Variants in DENND6A observed in about 807,000 individuals in gnomAD.
The protein encoded by DENND6A is DENN domain containing 6A, also known as protein DENND6A.
A neutral mutation model predicts 95.5 loss-of-function variants in DENND6A; 43 were observed. The ratio of observed to expected loss-of-function variants is 0.45; its 90% CI spans 0.35 to 0.58. The LOEUF (loss-of-function observed/expected upper bound fraction) is 0.58, where lower values mean the gene tolerates loss of function less well. DENND6A is among the 20% of genes least tolerant of loss of function. DENND6A has a pLI of 0.00. For synonymous variants in DENND6A, 257 were observed against 260.4 expected, an observed-to-expected ratio of 0.99 and a Z score of 0.13; for missense variants, 574 against 736.0, an observed-to-expected ratio of 0.78 and a Z score of 2.55.
intron 18 of DENND6A, among the ~76,000 whole-genome samples, chr3:57,629,278 T>A (rs1379661008): frequency 6.6e-6 from 1 of 152,172 alleles, no homozygotes; most frequent in East Asian, 1.9e-4. Context: ...GTACACTTCG[T>A]GTTTTCGGAT....
intron 9 of DENND6A, chr3:57,654,688 G>A (rs937500915): frequency 2.0e-6 from 2 of 985,194 alleles, no homozygotes; most frequent in Non-Finnish European, 1.2e-6. Context: ...CTGTGATCAA[G>A]AAAGCTGAAA....
chr3:57,650,786 T>TA (rs1296109202), intron 9 of DENND6A, among the ~76,000 whole-genome samples: 2 of 6,340 alleles, frequency 3.2e-4, no homozygotes, highest in Admixed American at 2.7e-3. Flanking sequence ...CCACATGGAA[T>TA]TTTTTTTTTT....
At chr3:57,638,025 T>C (rs1461538451) in intron 12 of DENND6A, among the ~76,000 whole-genome samples, 1 of 151,504 alleles carries the variant, frequency 6.6e-6, no homozygotes, top group Non-Finnish European at 1.5e-5. Context: ...TCCCAGCTAC[T>C]GGGGAGGCTG....
rs113142375 is a variant in DENND6A, at chr3:57,667,353, T to C, written c.320-1118A>G. Among the ~76,000 whole-genome samples, 1,033 of 151,586 alleles carry C rather than the reference T, an allele frequency of 6.8e-3. 12 individuals carry two copies. The highest frequency in any genetic ancestry group is 0.023 in the African/African-American group (960 of 41,292). ...AAAAATTTCACTAGAGATGGGGTCTTGCTATGTTGCCCAGGCTGGTCTTGA... is the reference window on the plus strand; with the variant it reads ...AAAAATTTCACTAGAGATGGGGTCTCGCTATGTTGCCCAGGCTGGTCTTGA... On this transcript the variant is annotated intron_variant, in intron 3 of 19. Transcript: ENST00000311128.
In DENND6A at chr3:57,692,809, G is replaced by T. The variant is rs1329068385; in HGVS notation, c.210C>A (p.Phe70Leu). The change falls in exon 1 of 20, where the codon TTC becomes TTA. Residue 70 changes from phenylalanine (F) to leucine (L), a missense_variant. By Grantham distance (22) the Phe-to-Leu change is conservative (BLOSUM62 0). This residue lies in a region of DENND6A where 122 missense variants were observed against 105.1 expected (regional missense o/e 1.16). Transcript: ENST00000311128. Reference protein sequence around the residue: ...AWLHCVCVVGFDLELGQAVEV... With the variant: ...AWLHCVCVVGLDLELGQAVEV... ...CCACGGCCTGGCCCAGCTCCAGGTC[G>T]AAGCCCACCACACACACGCAGTGCA... is the stretch of plus-strand genomic sequence containing the variant. 6.4e-6 allele frequency: 10 copies of T among 1,561,938 alleles called. No homozygotes were observed. The highest frequency in any genetic ancestry group is 1.4e-5 in the African/African-American group (1 of 70,470).
intron 15 of DENND6A, among the ~76,000 whole-genome samples, chr3:57,632,055 C>A (rs1037139468): frequency 3.2e-5 from 4 of 126,688 alleles, no homozygotes; most frequent in Non-Finnish European, 6.5e-5. Context: ...GAGTCTCACT[C>A]TTTCGCCCAG....
At chr3:57,637,925 G>A (rs894396059) in intron 12 of DENND6A, among the ~76,000 whole-genome samples, 3 of 152,028 alleles carry the variant, frequency 2.0e-5, no homozygotes, top group Non-Finnish European at 2.9e-5. Context: ...CACGAGGTCA[G>A]GAATTCGAGA....
chr3:57,690,919 T>A lies in DENND6A; in HGVS notation c.237+1863A>T, dbSNP rs533693603. 2.0e-5 allele frequency among the ~76,000 whole-genome samples: 3 copies of A among 152,252 alleles called. No individual in the cohort carries two copies. The South Asian group carries it at 6.2e-4, about 32-fold the overall frequency. On this transcript the variant is annotated intron_variant, in intron 1 of 19. Coordinates refer to ENST00000311128, the MANE Select transcript of DENND6A (RefSeq NM_152678.3). ...CCTTTTCCTAGTGGAAAATTCACAA[T>A]GTTCATATTTTTAAAAGATCCAGGA...
chr3:57,627,157 TTG>T lies in DENND6A; in HGVS notation c.*1055_*1056del, dbSNP rs2070549550. On this transcript the variant is annotated 3_prime_UTR_variant, in exon 20 of 20. Coordinates refer to ENST00000311128, the MANE Select transcript of DENND6A (RefSeq NM_152678.3). ...TTAGTATTTATTTAATTTTTTATTT[TTG>T]TTGAGACACAGTCTCACTGTGTCAC... 1 of 152,210 alleles carries T rather than the reference TTG, an allele frequency of 6.6e-6. No homozygotes were observed. Among genetic ancestry groups the T allele is most frequent in the Non-Finnish European group, 1.5e-5 (1 of 68,050 alleles). The allele number at this position is 152,210 out of a possible 1,614,324, so 9.4% of individuals were successfully genotyped here. A position where few individuals can be genotyped will look rare whatever the true frequency, so the allele number is the denominator to read the frequency against.
chr3:57,649,576 A>C (rs1285094537), intron 9 of DENND6A, among the ~76,000 whole-genome samples: 1 of 151,924 alleles, frequency 6.6e-6, no homozygotes, highest in Non-Finnish European at 1.5e-5. Context: ...ATAGCAGCAC[A>C]ATGCACAATT....
rs1391509069 is a variant in DENND6A at position 57,631,792 on chromosome 3, G to A, written c.1354-814C>T. 3.0e-5 allele frequency among the ~76,000 whole-genome samples: 4 copies of A among 133,416 alleles called. No homozygotes were observed. The East Asian group carries it at 6.8e-4, about 23-fold the overall frequency. 87.5% of individuals were successfully genotyped at this position (133,416 alleles called of 152,430 possible). A position where few individuals can be genotyped will look rare whatever the true frequency, so the allele number is the denominator to read the frequency against. ...AGCTGGACTGCAGTGGCGCTATCCC[G>A]GCTCACTGCAAGCTCTGCCTCTTGG... On this transcript the variant is annotated intron_variant, in intron 15 of 19. Coordinates refer to ENST00000311128, the MANE Select transcript of DENND6A (RefSeq NM_152678.3).
intron 11 of DENND6A, among the ~76,000 whole-genome samples, chr3:57,643,344 CAT>C (rs2070992483): frequency 6.6e-6 from 1 of 152,108 alleles, no homozygotes; most frequent in Non-Finnish European, 1.5e-5. Context: ...TCAGTTTGCA[CAT>C]GTTTAGTTTC....
At chr3:57,657,202 T>C (rs1473318984) in intron 9 of DENND6A, among the ~76,000 whole-genome samples, 1 of 152,194 alleles carries the variant, frequency 6.6e-6, no homozygotes, top group Non-Finnish European at 1.5e-5. Context: ...TCTTTTTTGT[T>C]TTTTCATTTT....
At chr3:57,634,262 G>A (rs994540567) in intron 14 of DENND6A, among the ~76,000 whole-genome samples, 15 of 129,180 alleles carry the variant, frequency 1.2e-4, no homozygotes, top group East Asian at 2.4e-4. Flanking sequence ...GTGAAACCCC[G>A]TCTCTACTAA....
rs555883578 is a variant in DENND6A, at chr3:57,685,080, AT to A, written c.237+7701del. On this transcript the variant is annotated intron_variant, in intron 1 of 19. Coordinates refer to ENST00000311128, the MANE Select transcript of DENND6A (RefSeq NM_152678.3). ...AGGTATGCGCCACCATGCCTGGCTA[AT>A]TTTTTTTTTTTTTTGTATTTTTAGT... 3.6e-3 allele frequency among the ~76,000 whole-genome samples: 514 copies of A among 142,150 alleles called. 1 individual carries two copies. Among genetic ancestry groups the A allele is most frequent in the East Asian group, 8.4e-3 (41 of 4,860 alleles). 93.3% of individuals were successfully genotyped at this position (142,150 alleles called of 152,430 possible). A position where few individuals can be genotyped will look rare whatever the true frequency, so the allele number is the denominator to read the frequency against.
At chr3:57,630,657 TGTTTTGCTTTTA>T (rs1312518373) in intron 17 of DENND6A, 46 bp downstream of exon 17, 15 of 1,564,990 alleles carry the variant, frequency 9.6e-6, no homozygotes, top group Non-Finnish European at 1.2e-5. Context: ...TTTAGCTTTT[TGTTTTGCTTTTA>T]AATAAAGCAC....
intron 4 of DENND6A, among the ~76,000 whole-genome samples, chr3:57,665,176 A>G (rs1449316741): frequency 6.6e-6 from 1 of 152,204 alleles, no homozygotes; most frequent in Non-Finnish European, 1.5e-5. Context: ...GGAAGGTCCA[A>G]AAAGTGAGGA....
intron 6 of DENND6A, 28 bp downstream of exon 6, chr3:57,661,418 C>T (rs745990580): frequency 1.4e-6 from 2 of 1,465,058 alleles, no homozygotes; most frequent in Non-Finnish European, 1.8e-6. Context: ...TTTTAAAACT[C>T]CTGCATAAAG....
At chr3:57,688,599 G>C (rs984543304) in intron 1 of DENND6A, among the ~76,000 whole-genome samples, 2 of 151,914 alleles carry the variant, frequency 1.3e-5, no homozygotes, top group African/African-American at 4.8e-5. Flanking sequence ...GTCAAGCAGA[G>C]TAACGGGGGA....
Sources: allele counts gnomAD v4.1 joint callset (sites outside exome capture counted in the v4.1 genomes callset), GRCh38; gene constraint gnomAD v4.1.1; regional missense constraint gnomAD v4.1.1; transcripts MANE v1.5; gene names NCBI Gene and HGNC (gene_info 2026-07-23, HGNC 2026-07-21).